The following OR9Q1 variants were observed in gnomAD, a reference collection of about 807,000 sequenced individuals.
OR9Q1 encodes olfactory receptor family 9 subfamily Q member 1, also known as olfactory receptor 9Q1.
For synonymous variants in OR9Q1, 153 were observed against 148.6 expected (o/e 1.03, Z -0.22); for missense variants, 374 against 378.8 (o/e 0.99, Z 0.11).
chr11:58,177,327 G>T (rs1177731035), intron 2 of OR9Q1, among the ~76,000 whole-genome samples: 2 of 152,168 alleles, frequency 1.3e-5, no homozygotes, highest in Admixed American at 6.5e-5. Flanking sequence ...GAGATTCTGT[G>T]TACAGTTTTG....
At chr11:58,158,458 G>A (rs1854428571) in intron 2 of OR9Q1, among the ~76,000 whole-genome samples, 1 of 146,388 alleles carries the variant, frequency 6.8e-6, no homozygotes, top group African/African-American at 2.5e-5. Flanking sequence ...TTTTTCATAG[G>A]AAGAGTTTTA....
intron 2 of OR9Q1, among the ~76,000 whole-genome samples, chr11:58,082,276 G>A (rs1402480098): frequency 1.3e-5 from 2 of 150,716 alleles, no homozygotes; most frequent in East Asian, 4.0e-4. Flanking sequence ...ATACCCAAAG[G>A]ACTATAAGAC....
chr11:58,078,406 C>T (rs1436325180), intron 2 of OR9Q1: 2 of 152,176 alleles, frequency 1.3e-5, no homozygotes, highest in African/African-American at 4.8e-5. Flanking sequence ...ACTGAGGTAT[C>T]CCAAAGGGTG....
intron 2 of OR9Q1, among the ~76,000 whole-genome samples, chr11:58,059,592 G>A (rs1853359897): frequency 6.8e-6 from 1 of 146,596 alleles, no homozygotes; most frequent in South Asian, 2.2e-4. Flanking sequence ...GTTACTTGAG[G>A]CAGAAGAATT....
intron 2 of OR9Q1, among the ~76,000 whole-genome samples, chr11:58,091,268 G>C (rs948218364): frequency 6.6e-6 from 1 of 152,044 alleles, no homozygotes; most frequent in Non-Finnish European, 1.5e-5. Context: ...CCAGCTTTCT[G>C]TTGTAGGCAT....
At chr11:58,132,363 C>T (rs189075349) in intron 2 of OR9Q1, among the ~76,000 whole-genome samples, 2 of 152,190 alleles carry the variant, frequency 1.3e-5, no homozygotes, top group Non-Finnish European at 2.9e-5. Flanking sequence ...AGTCTCAGCT[C>T]TTCTTCTTAC....
chr11:58,078,676 A>C (rs1320623508), intron 2 of OR9Q1: 2 of 152,162 alleles, frequency 1.3e-5, no homozygotes, highest in Admixed American at 6.6e-5. Context: ...ACAAGGTATT[A>C]TTCTTCTACA....
intron 2 of OR9Q1, among the ~76,000 whole-genome samples, chr11:58,142,422 C>A (rs533891606): frequency 6.6e-6 from 1 of 151,920 alleles, no homozygotes; most frequent in East Asian, 1.9e-4. Flanking sequence ...AAGAACATGG[C>A]GAATCATTGT....
At position 58,143,907 on chromosome 11, in the gene OR9Q1, C is replaced by A. The variant is rs559025610; in HGVS notation, c.-14-35524C>A. ...AAACAATATGTGCTTCGAAGGATTT[C>A]TGAAGGATCAAGTAAAATAAAGTTT... On this transcript the variant is annotated intron_variant, in intron 2 of 2. Coordinates refer to ENST00000335397, the MANE Select transcript of OR9Q1 (RefSeq NM_001005212.4). 7.9e-5 allele frequency among the ~76,000 whole-genome samples: 12 copies of A among 152,148 alleles called. No homozygotes were observed. In the South Asian group the frequency reaches 2.5e-3, roughly 32 times the overall value.
At chr11:58,120,075 G>T (rs1459644703) in intron 2 of OR9Q1, among the ~76,000 whole-genome samples, 1 of 152,096 alleles carries the variant, frequency 6.6e-6, no homozygotes, top group Non-Finnish European at 1.5e-5. Context: ...TTGCCTAGTC[G>T]AATAGTATTA....
At chr11:58,086,519 GGAATT>G (rs141922532) in intron 2 of OR9Q1, among the ~76,000 whole-genome samples, 31,810 of 151,126 alleles carry the variant, frequency 0.21, 4,012 homozygotes, top group Middle Eastern at 0.37. Context: ...TATAACCAAA[GGAATT>G]GAAATCAGTA....
chr11:58,128,419 G>A (rs879746370), intron 2 of OR9Q1, among the ~76,000 whole-genome samples: 2 of 152,028 alleles, frequency 1.3e-5, no homozygotes, highest in African/African-American at 4.8e-5. Context: ...AAGTATCCAC[G>A]AGGAATTAGT....
chr11:58,167,384 G>T (rs1173778975), intron 2 of OR9Q1, among the ~76,000 whole-genome samples: 1 of 151,706 alleles, frequency 6.6e-6, no homozygotes, highest in East Asian at 1.9e-4. Context: ...GTTTATTTTG[G>T]TATCTGATAG....
intron 2 of OR9Q1, among the ~76,000 whole-genome samples, chr11:58,103,570 T>G (rs1007583381): frequency 2.0e-5 from 3 of 152,234 alleles, no homozygotes; most frequent in African/African-American, 7.2e-5. Flanking sequence ...TATTTTGTTT[T>G]TTTTTACATT....
At chr11:58,175,434 C>T (rs1158028020) in intron 2 of OR9Q1, among the ~76,000 whole-genome samples, 5 of 152,112 alleles carry the variant, frequency 3.3e-5, no homozygotes, top group Non-Finnish European at 7.3e-5. Context: ...AAGTCCACCT[C>T]CTCTGCGAAG....
chr11:58,096,426 A>G (rs1421749172), intron 2 of OR9Q1, among the ~76,000 whole-genome samples: 1 of 152,170 alleles, frequency 6.6e-6, no homozygotes, highest in Non-Finnish European at 1.5e-5. Flanking sequence ...ATCTATGACT[A>G]TAAATTAGTT....
intron 2 of OR9Q1, among the ~76,000 whole-genome samples, chr11:58,120,159 T>A (rs575818696): frequency 6.6e-6 from 1 of 152,166 alleles, no homozygotes; most frequent in Non-Finnish European, 1.5e-5. Flanking sequence ...CTTCAACATA[T>A]TGCATTTTAT....
At chr11:58,056,987 GTTTTTTTTTT>G (rs34375940) in intron 2 of OR9Q1, among the ~76,000 whole-genome samples, 3 of 68,786 alleles carry the variant, frequency 4.4e-5, no homozygotes, top group Non-Finnish European at 8.0e-5. Flanking sequence ...TACAATTCAG[GTTTTTTTTTT>G]TTTTTTTTTT....
chr11:58,170,826 T>A (rs560741679), intron 2 of OR9Q1, among the ~76,000 whole-genome samples: 1 of 152,168 alleles, frequency 6.6e-6, no homozygotes, highest in Non-Finnish European at 1.5e-5. Flanking sequence ...TCCATTAAAC[T>A]TTTTTTCTTT....
Sources: gnomAD v4.1 joint callset for allele counts (sites outside exome capture counted in the v4.1 genomes callset) on GRCh38, gnomAD v4.1.1 for gene constraint, MANE v1.5 for transcripts, NCBI Gene and HGNC (gene_info 2026-07-23, HGNC 2026-07-21) for gene names.